Variants in ATPAF2 observed in about 807,000 individuals in gnomAD.
ATPAF2 encodes ATP12 homolog.
ATPAF2 carries 30 observed loss-of-function variants against 36.6 expected under a neutral mutation model. That is an observed-to-expected ratio of 0.82 (90% CI 0.61 to 1.11). The LOEUF (loss-of-function observed/expected upper bound fraction) is 1.11, where lower values mean the gene tolerates loss of function less well. Ranked by LOEUF, ATPAF2 falls within the 50% of genes most tolerant of loss-of-function variation. The pLI is 0.00. For missense variants in ATPAF2, 321 were observed against 372.3 expected (o/e 0.86, Z 1.13); for synonymous variants, 140 against 152.6 (o/e 0.92, Z 0.61).
chr17:18,017,700 T>C (rs896663563), downstream of ATPAF2, among the ~76,000 whole-genome samples: 4 of 152,154 alleles, frequency 2.6e-5, no homozygotes, highest in African/African-American at 7.2e-5. Context: ...GTGAGCAGGG[T>C]TGATGCCATT....
At chr17:18,026,663 G>A (rs2044550092) in intron 3 of ATPAF2, 1 of 580,864 alleles carries the variant, frequency 1.7e-6, no homozygotes. Context: ...CAGGATTAGT[G>A]AACCTCCCCC....
chr17:18,028,128 G>GCAAAGGAC (rs2044574281), intron 3 of ATPAF2, 104 bp downstream of exon 3: 1 of 1,411,734 alleles, frequency 7.1e-7, no homozygotes, highest in African/African-American at 1.4e-5. Flanking sequence ...GGCCAGACAG[G>GCAAAGGAC]CAAAGGACCA....
At chr17:18,030,513 GAAAAAAA>G (rs747636000) in intron 1 of ATPAF2, among the ~76,000 whole-genome samples, 2 of 77,566 alleles carry the variant, frequency 2.6e-5, no homozygotes, top group Non-Finnish European at 5.1e-5. Flanking sequence ...GTCTCTTGGG[GAAAAAAA>G]AAAAAAAAAA....
rs2044418203 is a variant in ATPAF2, at chr17:18,018,556, T to C, written c.863A>G (p.Lys288Arg). 1 of 1,613,652 alleles carries C rather than the reference T, an allele frequency of 6.2e-7. No homozygotes were observed. Among genetic ancestry groups the C allele is most frequent in the African/African-American group, 1.3e-5 (1 of 75,056 alleles). The change falls in exon 8 of 8, where the codon AAG (lysine) becomes AGG (arginine). Residue 288 changes from lysine to arginine, a missense_variant. Lys to Arg is a conservative substitution (Grantham distance 26, BLOSUM62 2). Transcript: ENST00000474627. ...ESTTVKHKLL[K>R]E ...GTGTGCTCTGCCCAGGCCTCACTCC[T>C]TCAGGAGCTTGTGCTTGACTGTGGT...
intron 1 of ATPAF2, among the ~76,000 whole-genome samples, chr17:18,030,383 G>A (rs2044611098): frequency 6.8e-6 from 1 of 147,822 alleles, no homozygotes; most frequent in Non-Finnish European, 1.5e-5. Context: ...GCACATGCCT[G>A]TAGTCCCCAG....
At chr17:18,034,378 C>A (rs1015612327) in intron 1 of ATPAF2, among the ~76,000 whole-genome samples, 2 of 152,088 alleles carry the variant, frequency 1.3e-5, no homozygotes, top group African/African-American at 4.8e-5. Flanking sequence ...TGCACTACAA[C>A]CTGGGTGACA....
intron 3 of ATPAF2, chr17:18,026,770 TGTGAAAACTGAGGCCCAGACAGGTTAA>T: frequency 2.7e-6 from 1 of 368,942 alleles, no homozygotes; most frequent in Non-Finnish European, 5.1e-6. Context: ...CCATCTGGGA[TGTGAAAACTGAGGCCCAGACAGGTTAA>T]GTACATTGTC....
chr17:18,030,320 CAAAAAAA>C (rs1162130285), intron 1 of ATPAF2, among the ~76,000 whole-genome samples: 51 of 64,096 alleles, frequency 8.0e-4, no homozygotes, highest in Admixed American at 1.2e-3. Context: ...GACTCCATCT[CAAAAAAA>C]AAAAAAAAAA....
At chr17:18,015,931 A>C, downstream of ATPAF2, 1 of 886,890 alleles carries the variant, frequency 1.1e-6, no homozygotes, top group East Asian at 2.5e-5. Flanking sequence ...GTGCGCTGAT[A>C]CAAAGGTGGG....
At chr17:18,017,013 A>C (rs1367821022), downstream of ATPAF2, 3 of 182,014 alleles carry the variant, frequency 1.6e-5, no homozygotes, top group Non-Finnish European at 3.5e-5. Context: ...CTCTACTAAA[A>C]ATACAAAAAT....
At chr17:18,023,343 G>A (rs1174271027) in intron 5 of ATPAF2, among the ~76,000 whole-genome samples, 4 of 150,158 alleles carry the variant, frequency 2.7e-5, no homozygotes, top group Non-Finnish European at 4.4e-5. Flanking sequence ...CACGAGAATC[G>A]TTTAAACCCA....
At chr17:18,022,513 C>T (rs1012583718) in intron 5 of ATPAF2, among the ~76,000 whole-genome samples, 4 of 151,880 alleles carry the variant, frequency 2.6e-5, no homozygotes, top group Middle Eastern at 3.4e-3. Flanking sequence ...TGGACTCACG[C>T]GATCTGCCAA....
intron 1 of ATPAF2, among the ~76,000 whole-genome samples, chr17:18,031,711 T>A (rs539923599): frequency 6.6e-6 from 1 of 151,722 alleles, no homozygotes; most frequent in Admixed American, 6.6e-5. Context: ...ACCCGGGAGG[T>A]GGAGCTTGCA....
At chr17:18,029,970 T>C (rs1462354005) in intron 1 of ATPAF2, among the ~76,000 whole-genome samples, 2 of 150,804 alleles carry the variant, frequency 1.3e-5, no homozygotes, top group Non-Finnish European at 2.9e-5. Context: ...GAAGACTGCT[T>C]GAGGCCAGGA....
At chr17:18,019,185 A>ACACACCCCCC (rs1313379853) in intron 7 of ATPAF2, among the ~76,000 whole-genome samples, 1 of 146,238 alleles carries the variant, frequency 6.8e-6, no homozygotes, top group East Asian at 2.0e-4. Flanking sequence ...ACACACACAC[A>ACACACCCCCC]CCCCACCACC....
At chr17:18,034,487 A>G (rs1055719412) in intron 1 of ATPAF2, among the ~76,000 whole-genome samples, 1 of 152,256 alleles carries the variant, frequency 6.6e-6, no homozygotes, top group African/African-American at 2.4e-5. Flanking sequence ...GCACGTGAAA[A>G]GATACTCAAC....
downstream of ATPAF2, chr17:18,015,939 G>C (rs2044344796): frequency 1.1e-6 from 1 of 951,212 alleles, no homozygotes; most frequent in South Asian, 1.6e-5. Context: ...ATACAAAGGT[G>C]GGCTCTGCTC....
rs148095363 is a variant in ATPAF2, at chr17:18,021,175, C to T, written c.680G>A (p.Arg227His). 35 of 1,613,834 alleles carry T rather than the reference C, an allele frequency of 2.2e-5. No homozygotes were observed. The highest frequency in any genetic ancestry group is 1.4e-4 in the South Asian group (13 of 91,054). Reference protein sequence around the residue: ...MVLTLGLIDLRLTVEQAVLLS... With the variant: ...MVLTLGLIDLHLTVEQAVLLS... ...CAGCACGGCCTGCTCCACTGTCAGG[C>T]GCAGGTCAATCAGGCCCAAGGTTAG... Residue 227 changes from arginine (R) to histidine (H), a missense_variant, in exon 7 of 8, where the codon CGC (arginine) becomes CAC (histidine). Arg to His is a conservative substitution (Grantham distance 29). Transcript: ENST00000474627.
downstream of ATPAF2, chr17:18,016,846 G>A: frequency 6.4e-6 from 3 of 471,322 alleles, no homozygotes; most frequent in Non-Finnish European, 7.5e-6. Context: ...AGAAAATAAA[G>A]GACTCATTTC....
Sources: allele counts gnomAD v4.1 joint callset (sites outside exome capture counted in the v4.1 genomes callset), GRCh38; gene constraint gnomAD v4.1.1; transcripts MANE v1.5; gene names NCBI Gene and HGNC (gene_info 2026-07-23, HGNC 2026-07-21).